Variants in NAALADL2 observed in about 807,000 individuals in gnomAD.
The protein encoded by NAALADL2 is N-acetylated alpha-linked acidic dipeptidase like 2, also known as inactive N-acetylated-alpha-linked acidic dipeptidase-like protein 2.
NAALADL2 carries 76 observed loss-of-function variants against 87.2 expected under a neutral mutation model. The observed-to-expected ratio is 0.87, with a 90% CI of 0.72 to 1.05. The LOEUF (loss-of-function observed/expected upper bound fraction) is 1.05, where lower values mean the gene tolerates loss of function less well. Ranked by LOEUF, NAALADL2 falls within the 50% of genes least tolerant of loss-of-function variation. The probability of loss-of-function intolerance (pLI) is 0.00; values close to 1 mark genes in which losing one functional copy is unlikely to be tolerated. For synonymous variants in NAALADL2, 354 were observed against 331.0 expected (o/e 1.07, Z -0.75); for missense variants, 1,089 against 945.8 (o/e 1.15, Z -1.99).
chr3:174,670,630 AG>A lies in NAALADL2; in HGVS notation c.-114-67010del, dbSNP rs199893792. ...AAGAAGAGATAATGAGTTATCATCA[AG>A]TCTTTTCAATCTTGATTTTTCTATG... On this transcript the variant is annotated intron_variant, in intron 2 of 3. Transcript: ENST00000434257. 8.5e-3 allele frequency among the ~76,000 whole-genome samples: 1,299 copies of A among 152,218 alleles called. 12 individuals carry two copies. The highest frequency in any genetic ancestry group is 0.03 in the African/African-American group (1,228 of 41,552).
rs1263851258 is a variant in NAALADL2, at chr3:175,697,882, T to C, written c.1897-39424T>C. Among the ~76,000 whole-genome samples the C allele has an allele frequency of 9.8e-5, 10 of 101,624 alleles. 1 individual carries two copies. The highest frequency in any genetic ancestry group is 3.2e-4 in the African/African-American group (8 of 24,734). 66.7% of individuals were successfully genotyped at this position (101,624 alleles called of 152,430 possible). Reference sequence around the variant, plus strand: ...GTATATATGTATGTATACATATATATGTGTATATATGTATGTATACATATA... The same window carrying C: ...GTATATATGTATGTATACATATATACGTGTATATATGTATGTATACATATA... On this transcript the variant is annotated intron_variant, in intron 11 of 13. Transcript: ENST00000454872.
chr3:175,174,072 T>C, intron 2 of NAALADL2, among the ~76,000 whole-genome samples: 1 of 152,310 alleles, frequency 6.6e-6, no homozygotes. Flanking sequence ...AGAACATAAA[T>C]TTTAGAAAGA....
rs1480013102 is a variant in NAALADL2, at chr3:174,882,741, G to GTATATACACACGTGTA, written c.43+23316_43+23331dup. ...TATATGTGTATATGTGTATCTATGT[G>GTATATACACACGTGTA]TATATACACACGTGTATATATACAC... On this transcript the variant is annotated intron_variant, in intron 1 of 13. Transcript: ENST00000454872. Among the ~76,000 whole-genome samples, 152 of 142,732 alleles carry GTATATACACACGTGTA rather than the reference G, an allele frequency of 1.1e-3. 1 individual carries two copies. The highest frequency in any genetic ancestry group is 4.2e-3 in the Middle Eastern group (1 of 238). The allele number at this position is 142,732 out of a possible 152,430, so 93.6% of individuals were successfully genotyped here.
chr3:175,647,153 G>A (rs1244319405), intron 11 of NAALADL2, among the ~76,000 whole-genome samples: 2 of 152,042 alleles, frequency 1.3e-5, no homozygotes, highest in African/African-American at 2.4e-5. Context: ...GAGTCATATG[G>A]CCATGTCTAA....
intron 1 of NAALADL2, among the ~76,000 whole-genome samples, chr3:174,888,971 C>A (rs1026664021): frequency 6.6e-6 from 1 of 152,078 alleles, no homozygotes; most frequent in Non-Finnish European, 1.5e-5. Context: ...GTCATTGTTT[C>A]CTATAATATA....
rs1553872144 is a variant in NAALADL2 at position 174,841,046 on chromosome 3, AAG to A, written c.-9+103302_-9+103303del. Among the ~76,000 whole-genome samples, 207 of 146,522 alleles carry A rather than the reference AAG, an allele frequency of 1.4e-3. 1 individual carries two copies. Among genetic ancestry groups the A allele is most frequent in the South Asian group, 4.7e-3 (21 of 4,510 alleles). ...TGCCACTTTGACTTTATTAAAAAAA[AAG>A]AAGAAGAAGAAGAAAAGGAAGAAAG... On this transcript the variant is annotated intron_variant, in intron 3 of 3. Coordinates refer to the NAALADL2 transcript ENST00000434257.
At chr3:174,539,242 A>G (rs1722002933) in intron 1 of NAALADL2, among the ~76,000 whole-genome samples, 1 of 152,192 alleles carries the variant, frequency 6.6e-6, no homozygotes, top group Non-Finnish European at 1.5e-5. Context: ...ATATACTCAA[A>G]TACATTACAA....
At chr3:175,424,525 C>T (rs981478117) in intron 5 of NAALADL2, among the ~76,000 whole-genome samples, 1 of 152,130 alleles carries the variant, frequency 6.6e-6, no homozygotes, top group African/African-American at 2.4e-5. Flanking sequence ...AATCCTTTCC[C>T]CATTTCTTGT....
chr3:174,878,419 A>G (rs1240406263), intron 1 of NAALADL2, among the ~76,000 whole-genome samples: 4 of 152,084 alleles, frequency 2.6e-5, no homozygotes, highest in Non-Finnish European at 5.9e-5. Context: ...GCCAACTAGA[A>G]CTACTTAAAA....
intron 2 of NAALADL2, among the ~76,000 whole-genome samples, chr3:174,587,196 G>A (rs1716824548): frequency 6.6e-6 from 1 of 152,062 alleles, no homozygotes; most frequent in African/African-American, 2.4e-5. Flanking sequence ...GTATTCCATG[G>A]TGAATATGTG....
At chr3:175,655,859 T>C (rs1334452946) in intron 11 of NAALADL2, among the ~76,000 whole-genome samples, 8 of 152,138 alleles carry the variant, frequency 5.3e-5, no homozygotes, top group Admixed American at 5.2e-4. Flanking sequence ...TACACTTGGT[T>C]CCCTGTGGAA....
At chr3:175,220,727 A>C (rs141082149) in intron 2 of NAALADL2, among the ~76,000 whole-genome samples, 219 of 152,140 alleles carry the variant, frequency 1.4e-3, no homozygotes, top group African/African-American at 5.0e-3. Flanking sequence ...CCTTTTTAAA[A>C]ATTTGAGTTT....
intron 2 of NAALADL2, among the ~76,000 whole-genome samples, chr3:174,701,704 C>T (rs1023619320): frequency 6.6e-6 from 1 of 152,120 alleles, no homozygotes; most frequent in African/African-American, 2.4e-5. Flanking sequence ...AATGGAATCA[C>T]TCAGTATGTA....
In NAALADL2 at chr3:175,139,767, A is replaced by G. The variant is rs754208808; in HGVS notation, c.545+42476A>G. Among the ~76,000 whole-genome samples the G allele has an allele frequency of 5.8e-4, 88 of 152,246 alleles. 1 individual carries two copies. Among genetic ancestry groups the G allele is most frequent in the African/African-American group, 4.3e-4 (18 of 41,556 alleles). The stretch of plus-strand genomic sequence containing the variant: ...ATTAGTTTTCAACTTTTATTTCTCT[A>G]CAGTAAAAAGCATTTCTTAAAAAAA... On this transcript the variant is annotated intron_variant, in intron 2 of 13. Transcript: ENST00000454872.
intron 11 of NAALADL2, among the ~76,000 whole-genome samples, chr3:175,658,158 A>C (rs1029059795): frequency 6.6e-6 from 1 of 152,176 alleles, no homozygotes; most frequent in Non-Finnish European, 1.5e-5. Flanking sequence ...GAACAAAATT[A>C]GCATTTTATC....
intron 4 of NAALADL2, among the ~76,000 whole-genome samples, chr3:175,293,449 T>G (rs528922774): frequency 6.6e-6 from 1 of 152,326 alleles, no homozygotes; most frequent in Non-Finnish European, 1.5e-5. Flanking sequence ...GCAAACTGTT[T>G]TTTCTTCTGA....
chr3:175,288,634 T>A (rs9872421), intron 4 of NAALADL2, among the ~76,000 whole-genome samples: 119,140 of 152,112 alleles, frequency 0.78, 47,346 homozygotes, highest in African/African-American at 0.87. Flanking sequence ...CCAAGTGGTT[T>A]CTCAGCCAAC....
chr3:175,174,793 ATATGTG>A (rs1012726487), intron 2 of NAALADL2, among the ~76,000 whole-genome samples: 3 of 148,288 alleles, frequency 2.0e-5, no homozygotes, highest in Non-Finnish European at 3.0e-5. Context: ...GTGTGTATAT[ATATGTG>A]TGTGTGTGTG....
intron 3 of NAALADL2, among the ~76,000 whole-genome samples, chr3:174,837,245 G>T (rs547484545): frequency 6.6e-6 from 1 of 152,266 alleles, no homozygotes; most frequent in South Asian, 2.1e-4. Flanking sequence ...ATAGACATTA[G>T]CAAGATTAAC....
Sources: allele counts gnomAD v4.1 joint callset (sites outside exome capture counted in the v4.1 genomes callset), GRCh38; gene constraint gnomAD v4.1.1; transcripts MANE v1.5; gene names NCBI Gene and HGNC (gene_info 2026-07-23, HGNC 2026-07-21).